B3GALT1: variants seen among roughly 807,000 people sequenced by gnomAD.
B3GALT1 encodes the protein beta-1,3-galactosyltransferase 1.
A neutral mutation model predicts 23.2 loss-of-function variants in B3GALT1; 10 were observed. The ratio of observed to expected loss-of-function variants is 0.43; its 90% CI spans 0.27 to 0.73. The LOEUF is 0.73. Among genes scored for constraint, B3GALT1 ranks in the 30% least tolerant of loss-of-function variants. B3GALT1 has a pLI of 0.21. For synonymous variants in B3GALT1, 156 were observed against 141.5 expected, an observed-to-expected ratio of 1.10 and a Z score of -0.73; for missense variants, 299 against 405.4, an observed-to-expected ratio of 0.74 and a Z score of 2.25.
At chr2:167,852,495 T>TGTGTGTGTAC (rs1328873496) in intron 4 of B3GALT1, among the ~76,000 whole-genome samples, 2 of 151,952 alleles carry the variant, frequency 1.3e-5, no homozygotes, top group Non-Finnish European at 2.9e-5. Context: ...TGTGTGTGTG[T>TGTGTGTGTAC]GTGTGTGTGT....
At chr2:167,795,656 C>T (rs1018908603) in intron 3 of B3GALT1, among the ~76,000 whole-genome samples, 2 of 152,170 alleles carry the variant, frequency 1.3e-5, no homozygotes, top group Admixed American at 6.6e-5. Context: ...AGGTTGCCCC[C>T]ACATCCTCTA....
At chr2:167,774,472 G>GTTTTTTTTGTT (rs1558974686) in intron 3 of B3GALT1, among the ~76,000 whole-genome samples, 1 of 111,932 alleles carries the variant, frequency 8.9e-6, no homozygotes. Flanking sequence ...GTGTTTATTG[G>GTTTTTTTTGTT]TTTTTTTTTT....
chr2:167,639,659 A>G (rs532741606), intron 2 of B3GALT1, among the ~76,000 whole-genome samples: 1 of 152,224 alleles, frequency 6.6e-6, no homozygotes, highest in South Asian at 2.1e-4. Flanking sequence ...CCCTTCTAAC[A>G]TATACTCATG....
intron 2 of B3GALT1, among the ~76,000 whole-genome samples, chr2:167,565,340 T>C (rs1272577875): frequency 6.6e-6 from 1 of 152,128 alleles, no homozygotes. Flanking sequence ...TCCTTACACC[T>C]TATGCAAAAA....
At chr2:167,631,020 G>T (rs1574178465) in intron 2 of B3GALT1, among the ~76,000 whole-genome samples, 2 of 123,460 alleles carry the variant, frequency 1.6e-5, no homozygotes, top group East Asian at 5.8e-4. Context: ...GTAAAAAAAA[G>T]GGGGGGGAAT....
In B3GALT1 at chr2:167,870,142, C is replaced by T; in HGVS notation, c.*122C>T. 4.8e-6 allele frequency: 5 copies of T among 1,035,614 alleles called. No individual in the cohort carries two copies. Among genetic ancestry groups the T allele is most frequent in the Non-Finnish European group, 6.8e-6 (5 of 732,326 alleles). The allele number at this position is 1,035,614 out of a possible 1,614,324, so 64.2% of individuals were successfully genotyped here. On this transcript the variant is annotated 3_prime_UTR_variant, in exon 5 of 5. Coordinates refer to ENST00000392690, the MANE Select transcript of B3GALT1 (RefSeq NM_020981.4). ...AGGGGTTTTGTAAAGTTTTTGCTTC[C>T]TGCTATAAGTTCTTTTCTTGGATTA...
At chr2:167,485,357 A>G (rs1305634316) in intron 1 of B3GALT1, among the ~76,000 whole-genome samples, 2 of 152,170 alleles carry the variant, frequency 1.3e-5, no homozygotes, top group Admixed American at 6.6e-5. Context: ...TAAGCATTTG[A>G]TGAGGTCTTC....
chr2:167,551,898 G>A (rs147849052), intron 2 of B3GALT1, among the ~76,000 whole-genome samples: 201 of 152,270 alleles, frequency 1.3e-3, no homozygotes, highest in Non-Finnish European at 2.0e-3. Context: ...GGGTTCTGGA[G>A]TCCTCAGAGC....
At chr2:167,481,485 A>G (rs1268433406) in intron 1 of B3GALT1, among the ~76,000 whole-genome samples, 1 of 152,232 alleles carries the variant, frequency 6.6e-6, no homozygotes, top group African/African-American at 2.4e-5. Context: ...TGTTTTTGCT[A>G]TAATAGAGCT....
intron 3 of B3GALT1, among the ~76,000 whole-genome samples, chr2:167,752,792 C>G (rs914194461): frequency 6.6e-6 from 1 of 152,184 alleles, no homozygotes; most frequent in African/African-American, 2.4e-5. Flanking sequence ...AGTCACATCA[C>G]TCTTTGGCAA....
chr2:167,870,539 C>G lies in B3GALT1; in HGVS notation c.*519C>G, dbSNP rs1690324879. 1.2e-5 allele frequency: 2 copies of G among 167,174 alleles called. No individual in the cohort carries two copies. The highest frequency in any genetic ancestry group is 4.8e-5 in the African/African-American group (2 of 41,406). 10.4% of individuals were successfully genotyped at this position (167,174 alleles called of 1,614,324 possible). A position where few individuals can be genotyped will look rare whatever the true frequency, so the allele number is the denominator to read the frequency against. On this transcript the variant is annotated 3_prime_UTR_variant, in exon 5 of 5. Coordinates refer to ENST00000392690, the MANE Select transcript of B3GALT1 (RefSeq NM_020981.4). ...CTTTGCAGTTCCACCAAGAAATGAA[C>G]TTGGTACCTGCAGAGTGGCTGCAGT...
intron 1 of B3GALT1, among the ~76,000 whole-genome samples, chr2:167,481,491 G>C (rs1193079224): frequency 6.7e-6 from 1 of 148,324 alleles, no homozygotes; most frequent in Non-Finnish European, 1.5e-5. Context: ...TGCTATAATA[G>C]AGCTGCACAT....
intron 1 of B3GALT1, among the ~76,000 whole-genome samples, chr2:167,402,164 G>T (rs1698202620): frequency 6.6e-6 from 1 of 151,996 alleles, no homozygotes; most frequent in Admixed American, 6.6e-5. Context: ...AACTACTAAT[G>T]TTATGATAAA....
chr2:167,861,696 T>C (rs1690103413), intron 4 of B3GALT1, among the ~76,000 whole-genome samples: 1 of 152,208 alleles, frequency 6.6e-6, no homozygotes, highest in African/African-American at 2.4e-5. Flanking sequence ...GTTTAGTCTC[T>C]ATCCGATTAT....
chr2:167,866,973 CTGGAGTGCAG>C (rs1210038362), intron 4 of B3GALT1, among the ~76,000 whole-genome samples: 3 of 151,976 alleles, frequency 2.0e-5, no homozygotes, highest in African/African-American at 7.3e-5. Flanking sequence ...GTCGCCCAGG[CTGGAGTGCAG>C]TGGCGCAATC....
intron 2 of B3GALT1, among the ~76,000 whole-genome samples, chr2:167,582,887 G>A (rs372249775): frequency 2.4e-4 from 37 of 152,254 alleles, no homozygotes; most frequent in African/African-American, 7.9e-4. Context: ...TTGAGCTTCT[G>A]CCATGCTCCT....
At chr2:167,484,088 T>A (rs1699594161) in intron 1 of B3GALT1, among the ~76,000 whole-genome samples, 1 of 152,232 alleles carries the variant, frequency 6.6e-6, no homozygotes. Flanking sequence ...CCTCTTTTAA[T>A]AAGTTGGATG....
chr2:167,372,416 A>C (rs1697700678), intron 1 of B3GALT1, among the ~76,000 whole-genome samples: 1 of 152,116 alleles, frequency 6.6e-6, no homozygotes, highest in Non-Finnish European at 1.5e-5. Context: ...GTGAACTATT[A>C]GATGATTTTC....
intron 1 of B3GALT1, among the ~76,000 whole-genome samples, chr2:167,448,798 G>A (rs1332761845): frequency 6.6e-6 from 1 of 152,132 alleles, no homozygotes; most frequent in South Asian, 2.1e-4. Context: ...TTAGGATTCA[G>A]TTTCATTCTC....
Sources: allele counts gnomAD v4.1 joint callset (sites outside exome capture counted in the v4.1 genomes callset), GRCh38; gene constraint gnomAD v4.1.1; transcripts MANE v1.5; gene names NCBI Gene and HGNC (gene_info 2026-07-23, HGNC 2026-07-21).